The following GRM7 variants were observed in gnomAD, a reference collection of about 807,000 sequenced individuals.
GRM7 encodes glutamate metabotropic receptor 7.
In GRM7, 35 loss-of-function variants were observed where a neutral mutation model predicts 84.5. The observed-to-expected ratio is 0.41, with a 90% confidence interval of 0.32 to 0.55. The LOEUF (loss-of-function observed/expected upper bound fraction) is 0.55. Ranked by LOEUF, GRM7 falls within the 20% of genes least tolerant of loss-of-function variation. GRM7 has a pLI of 0.19. For synonymous variants in GRM7, 487 were observed against 455.1 expected (o/e 1.07, Z -0.89); for missense variants, 1,003 against 1,194.6 (o/e 0.84, Z 2.36).
intron 1 of GRM7, among the ~76,000 whole-genome samples, chr3:6,981,823 A>G (rs1268039707): frequency 6.6e-6 from 1 of 152,218 alleles, no homozygotes; most frequent in African/African-American, 2.4e-5. Flanking sequence ...TGTAGGAAAA[A>G]AAATAAAAAC....
At chr3:7,291,560 C>T (rs1212127488) in intron 2 of GRM7, among the ~76,000 whole-genome samples, 2 of 136,428 alleles carry the variant, frequency 1.5e-5, no homozygotes, top group Non-Finnish European at 3.1e-5. Context: ...CTCTCAATCC[C>T]TCCGTCTGTC....
In GRM7 at chr3:7,188,046, G is replaced by A. The variant is rs767377907; in HGVS notation, c.736+41378G>A. Among the ~76,000 whole-genome samples, 1 of 152,112 alleles carries A rather than the reference G, an allele frequency of 6.6e-6. No homozygotes were observed. Among genetic ancestry groups the A allele is most frequent in the Non-Finnish European group, 1.5e-5 (1 of 68,004 alleles). On this transcript the variant is annotated intron_variant, in intron 2 of 9. Coordinates refer to ENST00000357716, the MANE Select transcript of GRM7 (RefSeq NM_000844.4). This position sits in a 1 kb window ranked among gnomAD's most constrained non-coding sequence, Gnocchi z 4.2. Reference sequence around the variant, plus strand: ...AAGAAAGGCAAACCTAGAAGGATTCGAGTTCCCTGGTGAGTTTAATAGAGG... The same window carrying A: ...AAGAAAGGCAAACCTAGAAGGATTCAAGTTCCCTGGTGAGTTTAATAGAGG...
chr3:7,445,180 A>G (rs1386649488), intron 5 of GRM7, among the ~76,000 whole-genome samples: 1 of 152,204 alleles, frequency 6.6e-6, no homozygotes, highest in Admixed American at 6.5e-5. Flanking sequence ...GTATAAGAGG[A>G]TGTAAATAAA....
chr3:7,720,704 A>C (rs1188380657), intron 9 of GRM7, among the ~76,000 whole-genome samples: 1 of 152,240 alleles, frequency 6.6e-6, no homozygotes, highest in Non-Finnish European at 1.5e-5. Flanking sequence ...GATAGGTGCT[A>C]AAGATAAAAA....
intron 7 of GRM7, among the ~76,000 whole-genome samples, chr3:7,515,409 G>A (rs1700342232): frequency 6.6e-6 from 1 of 152,106 alleles, no homozygotes; most frequent in Admixed American, 6.6e-5. Flanking sequence ...GCCCCGAGCT[G>A]ACAATCAAAA....
chr3:7,291,139 T>A (rs189722297), intron 2 of GRM7, among the ~76,000 whole-genome samples: 82 of 137,504 alleles, frequency 6.0e-4, no homozygotes, highest in Middle Eastern at 8.1e-3. Flanking sequence ...TTTTCTTGAC[T>A]TTTTTTTTTT....
chr3:7,342,451 T>A (rs897148207), intron 4 of GRM7, among the ~76,000 whole-genome samples: 25 of 152,288 alleles, frequency 1.6e-4, no homozygotes, highest in African/African-American at 5.3e-4. Context: ...TCCTGCTGCA[T>A]CTAGATTTGG....
At chr3:7,609,233 C>T (rs925125044) in intron 8 of GRM7, among the ~76,000 whole-genome samples, 1 of 152,148 alleles carries the variant, frequency 6.6e-6, no homozygotes, top group African/African-American at 2.4e-5. Context: ...GGAACAAAAG[C>T]ACTTAAGTCA....
rs147725757 is a variant in GRM7, at chr3:7,075,023, A to T, written c.520-71429A>T. 6.5e-3 allele frequency among the ~76,000 whole-genome samples: 997 copies of T among 152,300 alleles called. 7 individuals are homozygous for T. Among genetic ancestry groups the T allele is most frequent in the Middle Eastern group, 0.031 (9 of 292 alleles). ...GTACTGAAGTCAAACCTTCTCTTCT[A>T]TCAGGGTCTCTTTCGGTCAGTCTGT... On this transcript the variant is annotated intron_variant, in intron 1 of 9. Transcript: ENST00000357716.
rs112444531 is a variant in GRM7, at chr3:7,113,659, T to G, written c.520-32793T>G. ...TTTATATTTGCAGTGTTTTTTATTT[T>G]TGTATTTTGTCATTGTTGTTCTTCA... On this transcript the variant is annotated intron_variant, in intron 1 of 9. Transcript: ENST00000357716. Among the ~76,000 whole-genome samples, 782 of 152,270 alleles carry G rather than the reference T, an allele frequency of 5.1e-3. 5 individuals carry two copies. The highest frequency in any genetic ancestry group is 0.018 in the African/African-American group (753 of 41,576).
At chr3:6,911,424 C>A (rs547231757) in intron 1 of GRM7, among the ~76,000 whole-genome samples, 32 of 152,112 alleles carry the variant, frequency 2.1e-4, no homozygotes, top group Middle Eastern at 6.8e-3. Context: ...TTCATCCAAC[C>A]AGTTTAAGAG....
At chr3:7,487,868 C>T (rs9870680) in intron 7 of GRM7, among the ~76,000 whole-genome samples, 68,271 of 151,966 alleles carry the variant, frequency 0.45, 15,749 homozygotes, top group East Asian at 0.7. Flanking sequence ...CTTGGCAGCC[C>T]GTAATGCTAG....
intron 7 of GRM7, among the ~76,000 whole-genome samples, chr3:7,573,454 C>T (rs1407445482): frequency 2.6e-5 from 4 of 152,098 alleles, no homozygotes; most frequent in South Asian, 2.1e-4. Flanking sequence ...AGTGTGTCTG[C>T]GTGGGGAAAG....
At position 7,578,638 on chromosome 3, in the gene GRM7, G is replaced by A. The variant is rs138514405; in HGVS notation, c.1732G>A (p.Asp578Asn). The change falls in exon 8 of 10, where the codon GAT becomes AAT. Residue 578 changes from aspartate (D) to asparagine (N), a missense_variant. Physicochemically the swap from Asp to Asn is conservative, Grantham distance 23. Around this residue, in one of 2 missense-constraint regions of GRM7, gnomAD observed 910 missense variants for 1,126.0 expected, o/e 0.81. Transcript: ENST00000357716. ...CAATGAAAATCGAACCGGATGCCAG[G>A]ATATTCCCATCATCAAACTGGAGTG... ...RPNENRTGCQ[D>N]IPIIKLEWHS... 1.8e-4 allele frequency: 294 copies of A among 1,613,952 alleles called. 5 individuals carry two copies. In the Middle Eastern group the frequency reaches 4.1e-3, roughly 23 times the overall value.
At chr3:7,140,979 A>T (rs1294058004) in intron 1 of GRM7, among the ~76,000 whole-genome samples, 3 of 152,080 alleles carry the variant, frequency 2.0e-5, no homozygotes, top group Non-Finnish European at 4.4e-5. Context: ...AAGACTTTAT[A>T]TTGACAAAAT....
At chr3:7,300,618 C>T (rs891096243) in intron 3 of GRM7, among the ~76,000 whole-genome samples, 13 of 152,070 alleles carry the variant, frequency 8.5e-5, no homozygotes, top group African/African-American at 2.2e-4. Context: ...GGCACACTGC[C>T]GTGGTATGAT....
At chr3:7,336,820 GGGAATATGCCTAACCAA>G (rs1481076621) in intron 4 of GRM7, among the ~76,000 whole-genome samples, 10 of 150,778 alleles carry the variant, frequency 6.6e-5, no homozygotes, top group Admixed American at 1.3e-4. Flanking sequence ...TATAATATTT[GGGAATATGCCTAACCAA>G]GGAGGCGAAA....
chr3:7,290,132 AT>A (rs1452681136), intron 2 of GRM7, among the ~76,000 whole-genome samples: 2 of 152,192 alleles, frequency 1.3e-5, no homozygotes, highest in African/African-American at 4.8e-5. Context: ...CTTAATAAAT[AT>A]TTTTTAAATG....
At chr3:7,013,318 C>G (rs115049211) in intron 1 of GRM7, among the ~76,000 whole-genome samples, 1 of 151,910 alleles carries the variant, frequency 6.6e-6, no homozygotes, top group Non-Finnish European at 1.5e-5. Flanking sequence ...TATTTTTCTC[C>G]CCATCCCTCA....
Sources: gnomAD v4.1 joint callset for allele counts (sites outside exome capture counted in the v4.1 genomes callset) on GRCh38, gnomAD v4.1.1 for gene constraint, gnomAD v4.1.1 regional missense constraint, Gnocchi (gnomAD v3.1) non-coding constraint, MANE v1.5 for transcripts, NCBI Gene and HGNC (gene_info 2026-07-23, HGNC 2026-07-21) for gene names.